Variants in GNB5 observed in about 807,000 individuals in gnomAD.
GNB5 encodes the protein guanine nucleotide-binding protein subunit beta-5.
A neutral mutation model predicts 55.3 loss-of-function variants in GNB5; 37 were observed. The observed-to-expected ratio is 0.67, with a 90% CI of 0.51 to 0.88. GNB5 has a LOEUF of 0.88. Ranked by LOEUF, GNB5 falls within the 40% of genes least tolerant of loss-of-function variation. The pLI, the probability that GNB5 is intolerant of heterozygous loss-of-function variation, is 0.00. For synonymous variants in GNB5, 219 were observed against 198.5 expected (o/e 1.10, Z -0.87); for missense variants, 476 against 515.3 (o/e 0.92, Z 0.74).
chr15:52,141,690 G>C (rs916699797), intron 6 of GNB5, among the ~76,000 whole-genome samples: 2 of 152,052 alleles, frequency 1.3e-5, no homozygotes, highest in African/African-American at 4.8e-5. Flanking sequence ...ATCTACAGGA[G>C]CAAATTCTGA....
At chr15:52,124,903 C>T in intron 11 of GNB5, 2 of 300,290 alleles carry the variant, frequency 6.7e-6, no homozygotes. Context: ...TGCTATGGGA[C>T]CAGAGAGGAA....
chr15:52,125,766 G>T, intron 11 of GNB5, 182 bp downstream of exon 11: 1 of 577,426 alleles, frequency 1.7e-6, no homozygotes, highest in Non-Finnish European at 3.1e-6. Context: ...AAGTTGCCTG[G>T]GGCAGGACAA....
intron 4 of GNB5, among the ~76,000 whole-genome samples, chr15:52,152,192 T>C (rs1165004306): frequency 1.3e-5 from 2 of 151,280 alleles, no homozygotes; most frequent in African/African-American, 4.9e-5. Context: ...AGTTTGTGGA[T>C]TATCTAGAGT....
intron 3 of GNB5, among the ~76,000 whole-genome samples, chr15:52,156,908 G>C (rs1301463033): frequency 1.3e-5 from 2 of 150,850 alleles, no homozygotes; most frequent in East Asian, 3.9e-4. Context: ...ATCGAATGAA[G>C]TTTAAAAATA....
chr15:52,160,496 A>T (rs1316018367), intron 3 of GNB5, among the ~76,000 whole-genome samples: 2 of 152,226 alleles, frequency 1.3e-5, no homozygotes, highest in African/African-American at 2.4e-5. Context: ...AAAACTAGAG[A>T]TCATGTTTAG....
chr15:52,134,756 T>A (rs189776437), intron 8 of GNB5, among the ~76,000 whole-genome samples: 99 of 152,180 alleles, frequency 6.5e-4, no homozygotes, highest in South Asian at 1.5e-3. Flanking sequence ...CACCTGACAG[T>A]GTGTGCGTCA....
chr15:52,136,215 C>T (rs1202251135), intron 7 of GNB5, among the ~76,000 whole-genome samples: 1 of 146,156 alleles, frequency 6.8e-6, no homozygotes, highest in East Asian at 2.1e-4. Flanking sequence ...AATCTCTCTT[C>T]TATACAAAGA....
At chr15:52,154,540 TG>T (rs2034167900) in intron 3 of GNB5, among the ~76,000 whole-genome samples, 2 of 152,286 alleles carry the variant, frequency 1.3e-5, no homozygotes, top group Admixed American at 6.5e-5. Context: ...TGAACCAGGC[TG>T]GGGCTTCTAG....
intron 3 of GNB5, among the ~76,000 whole-genome samples, 191 bp downstream of exon 3, chr15:52,179,577 G>C (rs2034724139): frequency 6.6e-6 from 1 of 151,562 alleles, no homozygotes; most frequent in South Asian, 2.1e-4. Flanking sequence ...CCCCACCGCC[G>C]CGCGTCCCGG....
At chr15:52,180,965 C>T (rs899569007) in intron 2 of GNB5, 1 of 152,264 alleles carries the variant, frequency 6.6e-6, no homozygotes, top group Non-Finnish European at 1.5e-5. Context: ...GGCTGGCTCC[C>T]TAGTGCTCTG....
intron 8 of GNB5, among the ~76,000 whole-genome samples, chr15:52,134,336 G>T (rs564462043): frequency 3.3e-5 from 5 of 152,314 alleles, no homozygotes; most frequent in African/African-American, 1.2e-4. Context: ...TAAGTTGTTG[G>T]TTTCAACTTG....
At chr15:52,147,923 C>T (rs1318674692) in intron 5 of GNB5, among the ~76,000 whole-genome samples, 1 of 152,118 alleles carries the variant, frequency 6.6e-6, no homozygotes, top group Non-Finnish European at 1.5e-5. Context: ...ATAAAATCAC[C>T]AGATGCCTAC....
chr15:52,184,544 C>T lies in GNB5; in HGVS notation c.126+7G>A. 1 of 1,611,722 alleles carries T rather than the reference C, an allele frequency of 6.2e-7. No homozygotes were observed. The stretch of plus-strand genomic sequence containing the variant: ...AGATAACTGAATTTTTTTTAAGTGG[C>T]ACTTACAATTTCTGCACATGTTGAA... On this transcript the variant is annotated splice_region_variant and intron_variant, in intron 2 of 12. Coordinates refer to ENST00000261837, the MANE Select transcript of GNB5 (RefSeq NM_016194.4).
chr15:52,158,006 T>G (rs2034251729), intron 3 of GNB5, among the ~76,000 whole-genome samples: 1 of 151,894 alleles, frequency 6.6e-6, no homozygotes, highest in South Asian at 2.1e-4. Context: ...GGACCATTCC[T>G]CCAGGATTTA....
chr15:52,150,149 T>C (rs1400200384), intron 4 of GNB5, among the ~76,000 whole-genome samples: 1 of 152,150 alleles, frequency 6.6e-6, no homozygotes, highest in Non-Finnish European at 1.5e-5. Context: ...CAACCTTACA[T>C]TCCTTGGAAA....
At chr15:52,159,633 T>C (rs747600927) in intron 3 of GNB5, among the ~76,000 whole-genome samples, 9 of 152,144 alleles carry the variant, frequency 5.9e-5, no homozygotes, top group Non-Finnish European at 1.2e-4. Context: ...CAGTGAATGT[T>C]TGCTGCTTGA....
At chr15:52,139,686 C>T (rs2033805793) in intron 7 of GNB5, 2 of 539,996 alleles carry the variant, frequency 3.7e-6, no homozygotes, top group Admixed American at 8.2e-5. Flanking sequence ...TCCAATCCTG[C>T]TGTCTGCCTC....
intron 10 of GNB5, among the ~76,000 whole-genome samples, chr15:52,126,839 G>T (rs2033443261): frequency 6.6e-6 from 1 of 152,148 alleles, no homozygotes; most frequent in Non-Finnish European, 1.5e-5. Flanking sequence ...TCGTCACCCA[G>T]GCTGGAGTGC....
Position 52,151,431 on chromosome 15 carries a change from C to G in GNB5, c.376-1506G>C, listed in dbSNP as rs567945229. On this transcript the variant is annotated intron_variant, in intron 4 of 12. Transcript: ENST00000261837. ...TCCTCGGTGAGCACAGATTTATGTG[C>G]AGGGGCCTACGTACCCAGAGAGAAT... Among the ~76,000 whole-genome samples, 3 of 152,314 alleles carry G rather than the reference C, an allele frequency of 2.0e-5. No individual in the cohort carries two copies. In the East Asian group the frequency reaches 5.8e-4, roughly 29 times the overall value.
Sources: allele counts gnomAD v4.1 joint callset (sites outside exome capture counted in the v4.1 genomes callset), GRCh38; gene constraint gnomAD v4.1.1; transcripts MANE v1.5; gene names NCBI Gene and HGNC (gene_info 2026-07-23, HGNC 2026-07-21).